CNTNAP2: variants seen among roughly 807,000 people sequenced by gnomAD.
The protein encoded by CNTNAP2 is contactin-associated protein-like 2.
A neutral mutation model predicts 155.2 loss-of-function variants in CNTNAP2; 98 were observed. That is an observed-to-expected ratio of 0.63 (90% CI 0.54 to 0.75). The LOEUF is 0.75. CNTNAP2 is among the 30% of genes least tolerant of loss of function. CNTNAP2 has a pLI of 0.00. For synonymous variants in CNTNAP2, 651 were observed against 631.2 expected, an observed-to-expected ratio of 1.03 and a Z score of -0.47; for missense variants, 1,727 against 1,688.1, an observed-to-expected ratio of 1.02 and a Z score of -0.40.
chr7:147,833,150 A>T (rs1309688262), intron 13 of CNTNAP2, among the ~76,000 whole-genome samples: 1 of 150,792 alleles, frequency 6.6e-6, no homozygotes, highest in Non-Finnish European at 1.5e-5. Context: ...TTCATGAAAC[A>T]ATGATAACTG....
chr7:148,152,040 A>G (rs1805306292), intron 17 of CNTNAP2, among the ~76,000 whole-genome samples: 1 of 152,278 alleles, frequency 6.6e-6, no homozygotes, highest in South Asian at 2.1e-4. Flanking sequence ...GACTGCAAAT[A>G]GTTCTTGGCT....
At chr7:146,250,526 C>T (rs1259004848) in intron 1 of CNTNAP2, among the ~76,000 whole-genome samples, 2 of 152,184 alleles carry the variant, frequency 1.3e-5, no homozygotes, top group African/African-American at 2.4e-5. Flanking sequence ...GGCTTTCACT[C>T]TCTTACTATG....
At chr7:146,660,802 T>A (rs1800074321) in intron 1 of CNTNAP2, among the ~76,000 whole-genome samples, 1 of 152,218 alleles carries the variant, frequency 6.6e-6, no homozygotes. Flanking sequence ...TTTCACATAT[T>A]TGAAAATAAG....
chr7:147,354,569 T>C (rs974145607), intron 9 of CNTNAP2, among the ~76,000 whole-genome samples: 2 of 152,160 alleles, frequency 1.3e-5, no homozygotes, highest in African/African-American at 4.8e-5. Flanking sequence ...CCAGGTAGTG[T>C]GATGGTTACG....
chr7:148,204,134 T>TCCTGTTA (rs748063929), intron 18 of CNTNAP2, among the ~76,000 whole-genome samples: 13 of 152,204 alleles, frequency 8.5e-5, no homozygotes, highest in Non-Finnish European at 1.0e-4. Flanking sequence ...TTTCTTTGAA[T>TCCTGTTA]CCTGTTACTT....
chr7:146,268,856 A>T (rs1800035257), intron 1 of CNTNAP2, among the ~76,000 whole-genome samples: 1 of 152,236 alleles, frequency 6.6e-6, no homozygotes, highest in Non-Finnish European at 1.5e-5. Context: ...AGAAGAAGAT[A>T]GTTCAACATA....
chr7:148,251,234 T>A (rs141184698), intron 20 of CNTNAP2, among the ~76,000 whole-genome samples: 13 of 152,256 alleles, frequency 8.5e-5, no homozygotes, highest in Non-Finnish European at 1.8e-4. Context: ...CTCCCTCAGG[T>A]CAATAATTTG....
chr7:147,385,486 G>A (rs1057116000), intron 9 of CNTNAP2, among the ~76,000 whole-genome samples: 2 of 152,196 alleles, frequency 1.3e-5, no homozygotes, highest in Non-Finnish European at 2.9e-5. Context: ...GGTTACTAGA[G>A]CTGTTCCAAA....
At chr7:146,681,559 G>A (rs1299710085) in intron 1 of CNTNAP2, among the ~76,000 whole-genome samples, 1 of 98,500 alleles carries the variant, frequency 1.0e-5, no homozygotes, top group Non-Finnish European at 2.1e-5. Context: ...TGGGAGGGTG[G>A]GGGGAGGTGG....
chr7:147,361,705 ATT>A (rs1305182158), intron 9 of CNTNAP2, among the ~76,000 whole-genome samples: 1 of 152,166 alleles, frequency 6.6e-6, no homozygotes, highest in Non-Finnish European at 1.5e-5. Context: ...AGTTCAAAGA[ATT>A]TTGTCTGTTT....
intron 11 of CNTNAP2, among the ~76,000 whole-genome samples, chr7:147,517,546 A>G (rs1360986001): frequency 6.6e-6 from 1 of 152,248 alleles, no homozygotes; most frequent in Non-Finnish European, 1.5e-5. Context: ...AAAATGCACA[A>G]TAAGTATATA....
At chr7:146,440,048 C>T (rs1362892571) in intron 1 of CNTNAP2, among the ~76,000 whole-genome samples, 4 of 150,882 alleles carry the variant, frequency 2.7e-5, no homozygotes, top group Non-Finnish European at 4.4e-5. Flanking sequence ...CGCTTGAACC[C>T]GGGAGGCAGA....
At chr7:147,889,219 A>C (rs1799646247) in intron 13 of CNTNAP2, among the ~76,000 whole-genome samples, 1 of 152,102 alleles carries the variant, frequency 6.6e-6, no homozygotes, top group Non-Finnish European at 1.5e-5. Flanking sequence ...AGGAAGAAAA[A>C]ATACTTAAAC....
intron 1 of CNTNAP2, among the ~76,000 whole-genome samples, chr7:146,449,879 T>G (rs1796452899): frequency 2.0e-5 from 3 of 152,188 alleles, no homozygotes; most frequent in Admixed American, 1.3e-4. Context: ...ACCATGTTCC[T>G]TGTATTCAGG....
intron 3 of CNTNAP2, among the ~76,000 whole-genome samples, chr7:146,976,382 C>T (rs1214065621): frequency 6.6e-6 from 1 of 152,112 alleles, no homozygotes; most frequent in Non-Finnish European, 1.5e-5. Flanking sequence ...GGCCTGCCCT[C>T]CACTTCCCAT....
chr7:147,127,327 T>C (rs1342889237), intron 6 of CNTNAP2, among the ~76,000 whole-genome samples: 2 of 152,104 alleles, frequency 1.3e-5, no homozygotes, highest in Admixed American at 1.3e-4. Flanking sequence ...AAATAATACA[T>C]ATTCAGCTAA....
At chr7:146,269,355 C>T (rs1800044587) in intron 1 of CNTNAP2, among the ~76,000 whole-genome samples, 1 of 150,250 alleles carries the variant, frequency 6.7e-6, no homozygotes, top group Admixed American at 6.6e-5. Flanking sequence ...ATCAATCAAT[C>T]AATCAATCAA....
intron 1 of CNTNAP2, among the ~76,000 whole-genome samples, chr7:146,293,992 G>C (rs946528892): frequency 2.0e-5 from 3 of 151,992 alleles, no homozygotes; most frequent in African/African-American, 7.2e-5. Flanking sequence ...AGCACTGATG[G>C]CAGTTTCTGA....
chr7:146,875,345 C>G (rs908767136), intron 3 of CNTNAP2, among the ~76,000 whole-genome samples: 3 of 152,142 alleles, frequency 2.0e-5, no homozygotes, highest in Non-Finnish European at 4.4e-5. Flanking sequence ...CCTCAATGTT[C>G]CCCACAGCTT....
Sources: gnomAD v4.1 joint callset for allele counts (sites outside exome capture counted in the v4.1 genomes callset) on GRCh38, gnomAD v4.1.1 for gene constraint, MANE v1.5 for transcripts, NCBI Gene and HGNC (gene_info 2026-07-23, HGNC 2026-07-21) for gene names.